The following CNTN5 variants were observed in gnomAD, a reference collection of about 807,000 sequenced individuals.
CNTN5 encodes the protein contactin 5, also known as contactin-5.
Under a neutral mutation model 129.1 loss-of-function variants are expected in CNTN5, and 77 were observed. The ratio of observed to expected loss-of-function variants is 0.60; its 90% CI spans 0.50 to 0.72. The LOEUF is 0.72. Among genes scored for constraint, CNTN5 ranks in the 30% least tolerant of loss-of-function variants. The pLI, the probability that CNTN5 is intolerant of heterozygous loss-of-function variation, is 0.00. For synonymous variants in CNTN5, 509 were observed against 465.6 expected (o/e 1.09, Z -1.20); for missense variants, 1,478 against 1,328.8 (o/e 1.11, Z -1.75).
chr11:99,573,743 C>T (rs1205672951), intron 3 of CNTN5, among the ~76,000 whole-genome samples: 3 of 151,818 alleles, frequency 2.0e-5, no homozygotes, highest in African/African-American at 4.8e-5. Flanking sequence ...GATTCTCCTG[C>T]CCCTGACCAT....
Position 99,907,926 on chromosome 11 carries a change from C to A in CNTN5, c.578-8128C>A, listed in dbSNP as rs144569638. On this transcript the variant is annotated intron_variant, in intron 6 of 24. Coordinates refer to ENST00000524871, the MANE Select transcript of CNTN5 (RefSeq NM_014361.4). ...TGTAATAATGGGTATTAGGAAAATT[C>A]TTTCATAAATGTGAACCTACCCATT... Among the ~76,000 whole-genome samples the A allele has an allele frequency of 7.6e-3, 1,157 of 152,046 alleles. 16 individuals are homozygous for A. The highest frequency in any genetic ancestry group is 0.026 in the African/African-American group (1,099 of 41,502).
chr11:99,804,506 C>G (rs1437351546), intron 3 of CNTN5, among the ~76,000 whole-genome samples: 1 of 150,668 alleles, frequency 6.6e-6, no homozygotes, highest in East Asian at 1.9e-4. Context: ...AGCCATGAGT[C>G]TACAATACGG....
chr11:99,367,611 G>A (rs1939533105), intron 2 of CNTN5, among the ~76,000 whole-genome samples: 1 of 152,102 alleles, frequency 6.6e-6, no homozygotes, highest in South Asian at 2.1e-4. Context: ...TGTTATCTGA[G>A]TAACATTGGC....
At chr11:99,310,145 G>T (rs1188578112) in intron 1 of CNTN5, among the ~76,000 whole-genome samples, 2 of 152,060 alleles carry the variant, frequency 1.3e-5, no homozygotes, top group African/African-American at 4.8e-5. Context: ...TGCCAATTTT[G>T]CCTCAAAAGT....
chr11:100,298,527 T>C (rs561689901), intron 19 of CNTN5, among the ~76,000 whole-genome samples: 2 of 151,348 alleles, frequency 1.3e-5, no homozygotes, highest in East Asian at 2.0e-4. Flanking sequence ...ATTTATTGAG[T>C]ATCTAGTGTG....
At chr11:99,159,483 A>G (rs1456076094) in intron 1 of CNTN5, among the ~76,000 whole-genome samples, 1 of 152,142 alleles carries the variant, frequency 6.6e-6, no homozygotes, top group South Asian at 2.1e-4. Context: ...GTAGCCGGGC[A>G]TAGTGGCGGG....
chr11:99,645,092 C>T (rs1168991504), intron 3 of CNTN5, among the ~76,000 whole-genome samples: 4 of 120,476 alleles, frequency 3.3e-5, no homozygotes, highest in Non-Finnish European at 5.5e-5. Flanking sequence ...GGTGAAACTC[C>T]GTCTCTACTT....
intron 4 of CNTN5, among the ~76,000 whole-genome samples, chr11:99,824,571 G>T (rs1946896161): frequency 6.6e-6 from 1 of 151,614 alleles, no homozygotes; most frequent in Non-Finnish European, 1.5e-5. Context: ...AGTACCTTTT[G>T]TTAAACAGAA....
intron 18 of CNTN5, among the ~76,000 whole-genome samples, chr11:100,274,421 CAGAGT>C (rs1950464957): frequency 6.6e-6 from 1 of 152,128 alleles, no homozygotes; most frequent in Non-Finnish European, 1.5e-5. Flanking sequence ...AAACTGTCAA[CAGAGT>C]AAACAGATAA....
At chr11:100,008,765 A>C (rs977930407) in intron 9 of CNTN5, among the ~76,000 whole-genome samples, 3 of 152,004 alleles carry the variant, frequency 2.0e-5, no homozygotes, top group African/African-American at 7.2e-5. Context: ...CTAACAGCAA[A>C]TTTTCTTCTT....
chr11:99,217,316 G>A (rs7103056), intron 1 of CNTN5, among the ~76,000 whole-genome samples: 21,950 of 152,194 alleles, frequency 0.14, 1,898 homozygotes, highest in East Asian at 0.33. Flanking sequence ...ATGGCCAACA[G>A]TTATATGTAA....
At chr11:99,793,736 A>G (rs1219688960) in intron 3 of CNTN5, among the ~76,000 whole-genome samples, 1 of 152,168 alleles carries the variant, frequency 6.6e-6, no homozygotes, top group Non-Finnish European at 1.5e-5. Flanking sequence ...TGTTTGCATG[A>G]TTCTCTTAGT....
intron 2 of CNTN5, among the ~76,000 whole-genome samples, chr11:99,340,629 C>T (rs984863194): frequency 3.9e-5 from 6 of 152,146 alleles, no homozygotes; most frequent in South Asian, 2.1e-4. Flanking sequence ...TTTGCAATGG[C>T]GTAGAAGTTA....
chr11:99,747,992 A>T (rs898058428), intron 3 of CNTN5, among the ~76,000 whole-genome samples: 1 of 152,100 alleles, frequency 6.6e-6, no homozygotes, highest in African/African-American at 2.4e-5. Context: ...TCTTCATTTT[A>T]TTAATGTGGT....
intron 8 of CNTN5, among the ~76,000 whole-genome samples, chr11:99,980,789 T>C (rs77753829): frequency 0.029 from 4,370 of 152,118 alleles, 189 homozygotes; most frequent in East Asian, 0.19. Flanking sequence ...CCTCTTATTA[T>C]ATATTGCCAA....
At chr11:99,732,804 G>C (rs553990079) in intron 3 of CNTN5, among the ~76,000 whole-genome samples, 1 of 152,158 alleles carries the variant, frequency 6.6e-6, no homozygotes, top group African/African-American at 2.4e-5. Flanking sequence ...ATGAGGAATA[G>C]TATGAAAGAT....
chr11:100,170,120 T>C (rs1024981555), intron 13 of CNTN5, among the ~76,000 whole-genome samples: 8 of 152,016 alleles, frequency 5.3e-5, no homozygotes, highest in African/African-American at 1.9e-4. Flanking sequence ...TAAATAATAA[T>C]AATTGAACGC....
intron 1 of CNTN5, among the ~76,000 whole-genome samples, chr11:99,159,279 A>G (rs1435438405): frequency 6.6e-6 from 1 of 152,168 alleles, no homozygotes; most frequent in African/African-American, 2.4e-5. Context: ...TTTATTACAC[A>G]TTTTATCAAT....
At chr11:100,282,299 G>A (rs952074946) in intron 18 of CNTN5, among the ~76,000 whole-genome samples, 2 of 152,186 alleles carry the variant, frequency 1.3e-5, no homozygotes, top group Non-Finnish European at 2.9e-5. Context: ...TCTGCTTTAG[G>A]GGACACCCCA....
Sources: allele counts gnomAD v4.1 joint callset (sites outside exome capture counted in the v4.1 genomes callset), GRCh38; gene constraint gnomAD v4.1.1; transcripts MANE v1.5; gene names NCBI Gene and HGNC (gene_info 2026-07-23, HGNC 2026-07-21).